Variants in ECE1 observed in about 807,000 individuals in gnomAD.
ECE1 encodes endothelin converting enzyme 1.
A neutral mutation model predicts 98.6 loss-of-function variants in ECE1; 35 were observed. That is an observed-to-expected ratio of 0.35 (90% confidence interval 0.27 to 0.47). The LOEUF is 0.47. Ranked by LOEUF, ECE1 falls within the 20% of genes least tolerant of loss-of-function variation. The probability of loss-of-function intolerance (pLI) is 1.00; values close to 1 mark genes in which losing one functional copy is unlikely to be tolerated. For synonymous variants in ECE1, 394 were observed against 407.1 expected (o/e 0.97, Z 0.39); for missense variants, 814 against 1,025.3 (o/e 0.79, Z 2.81).
At chr1:21,254,068 CAA>C (rs57691016) in intron 8 of ECE1, among the ~76,000 whole-genome samples, 22,550 of 98,348 alleles carry the variant, frequency 0.23, 2,294 homozygotes, top group African/African-American at 0.45. Flanking sequence ...GACTTTGTCT[CAA>C]AAAAAAAAAA....
At chr1:21,328,354 T>C (rs1038926551) in intron 1 of ECE1, among the ~76,000 whole-genome samples, 1 of 152,364 alleles carries the variant, frequency 6.6e-6, no homozygotes, top group African/African-American at 2.4e-5. Context: ...GCCTGCTTGC[T>C]AACCATTCTA....
intron 16 of ECE1, 97 bp downstream of exon 16, chr1:21,227,062 T>G: frequency 8.0e-7 from 1 of 1,243,386 alleles, no homozygotes. Context: ...CTTGCTATGT[T>G]GCCCAGGCTG....
intron 2 of ECE1, among the ~76,000 whole-genome samples, chr1:21,281,421 G>C (rs147373125): frequency 9.3e-4 from 141 of 152,300 alleles, no homozygotes; most frequent in Non-Finnish European, 1.9e-3. Context: ...TGCAGAGAGA[G>C]ACAGCCTGGT....
intron 1 of ECE1, among the ~76,000 whole-genome samples, chr1:21,312,461 A>T (rs930322507): frequency 1.4e-4 from 20 of 142,906 alleles, no homozygotes; most frequent in Non-Finnish European, 2.3e-4. Flanking sequence ...TTAAAAATTT[A>T]AAAAATTAGC....
chr1:21,323,632 A>AAAAATAAAATAAAAT (rs58201460), intron 1 of ECE1, among the ~76,000 whole-genome samples: 6 of 149,420 alleles, frequency 4.0e-5, no homozygotes, highest in Admixed American at 1.3e-4. Flanking sequence ...CCAAAAAACT[A>AAAAATAAAATAAAAT]AAAATAAAAT....
intron 1 of ECE1, among the ~76,000 whole-genome samples, chr1:21,329,395 C>A (rs145326430): frequency 1.3e-5 from 2 of 152,166 alleles, no homozygotes; most frequent in African/African-American, 4.8e-5. Context: ...AGGGGCGTGG[C>A]CTTCATAACC....
Position 21,258,666 on chromosome 1 carries a change from G to A in ECE1, c.762+27C>T, listed in dbSNP as rs756743970. 29 of 1,485,342 alleles carry A rather than the reference G, an allele frequency of 2.0e-5. No homozygotes were observed. Among genetic ancestry groups the A allele is most frequent in the East Asian group, 1.8e-4 (6 of 34,162 alleles). The allele number at this position is 1,485,342 out of a possible 1,614,324, so 92.0% of individuals were successfully genotyped here. On this transcript the variant is annotated intron_variant, in intron 6 of 18. Coordinates refer to ENST00000374893, the MANE Select transcript of ECE1 (RefSeq NM_001397.3). This position sits in a 1 kb window ranked among gnomAD's most constrained non-coding sequence, Gnocchi z 4.2. ...AGGAAGAGGTCGTGCCCGCCCCCTC[G>A]ACCGCTGCAGGTTCAAGCTAGCTCA...
Position 21,322,662 on chromosome 1 carries a change from C to G in ECE1, c.3+22714G>C, listed in dbSNP as rs1201635674. On this transcript the variant is annotated intron_variant, in intron 1 of 18. Transcript: ENST00000415912. This position sits in a 1 kb window ranked among gnomAD's most constrained non-coding sequence, Gnocchi z 4.1. ...GAGGGGTTGGAAGTTGATCTAACCA[C>G]CTAGCTGGGGAAAAGGACAAGAAAA... Among the ~76,000 whole-genome samples the G allele has an allele frequency of 6.6e-6, 1 of 152,188 alleles. No individual in the cohort carries two copies. Among genetic ancestry groups the G allele is most frequent in the Non-Finnish European group, 1.5e-5 (1 of 68,034 alleles).
At position 21,260,136 on chromosome 1, in the gene ECE1, C is replaced by T; in HGVS notation, c.615+135G>A. ...GTGCTCTCGCACACTCGCTCTCTCT[C>T]TTTCTGTCTTTCTCTTGGTGCTACC... is the stretch of plus-strand genomic sequence containing the variant. On this transcript the variant is annotated intron_variant, in intron 5 of 18. Coordinates refer to ENST00000374893, the MANE Select transcript of ECE1 (RefSeq NM_001397.3). The surrounding 1 kb of genome is among the most constrained non-coding windows in gnomAD (Gnocchi z 4.3). 2 of 1,363,118 alleles carry T rather than the reference C, an allele frequency of 1.5e-6. No individual in the cohort carries two copies. Among genetic ancestry groups the T allele is most frequent in the Admixed American group, 1.7e-5 (1 of 57,902 alleles). 84.4% of individuals were successfully genotyped at this position (1,363,118 alleles called of 1,614,324 possible).
At chr1:21,252,810 A>G (rs1220971889) in intron 8 of ECE1, among the ~76,000 whole-genome samples, 2 of 152,240 alleles carry the variant, frequency 1.3e-5, no homozygotes, top group Non-Finnish European at 2.9e-5. Flanking sequence ...AGTAGAATGA[A>G]TCAAATTGAT....
rs1289189717 is a variant in ECE1, at chr1:21,238,246, T to G, written c.1279-2A>C. ...AAACTTCCAGCGAGGAAGACAGGTC[T>G]GGAAAACACAAGTCAGGGGGCTCGC... On this transcript the variant is annotated splice_acceptor_variant, in intron 10 of 18. Coordinates refer to ENST00000374893, the MANE Select transcript of ECE1 (RefSeq NM_001397.3). LOFTEE classifies it high-confidence loss of function. 6.2e-7 allele frequency: 1 copy of G among 1,613,494 alleles called. No homozygotes were observed. The highest frequency in any genetic ancestry group is 8.5e-7 in the Non-Finnish European group (1 of 1,179,496).
intron 1 of ECE1, among the ~76,000 whole-genome samples, chr1:21,341,809 C>CTTTTTTTTTT (rs80221361): frequency 6.9e-6 from 1 of 145,798 alleles, no homozygotes; most frequent in Non-Finnish European, 1.5e-5. Context: ...TTCTCCCTAC[C>CTTTTTTTTTT]TTTTTTTTTT....
Position 21,290,032 on chromosome 1 carries a change from G to C in ECE1, c.138+38C>G, listed in dbSNP as rs1490275376. On this transcript the variant is annotated intron_variant, in intron 2 of 18. Coordinates refer to ENST00000374893, the MANE Select transcript of ECE1 (RefSeq NM_001397.3). This position sits in a 1 kb window ranked among gnomAD's most constrained non-coding sequence, Gnocchi z 7.3. The stretch of plus-strand genomic sequence containing the variant: ...GCGGCAGCGCGCATGCCCGGGCCCG[G>C]GGCGCCTGGACCTCGGGAGGGAGCG... 39 of 1,293,026 alleles carry C rather than the reference G, an allele frequency of 3.0e-5. No homozygotes were observed. The highest frequency in any genetic ancestry group is 3.6e-5 in the Non-Finnish European group (36 of 1,003,928). The allele number at this position is 1,293,026 out of a possible 1,614,324, so 80.1% of individuals were successfully genotyped here.
At chr1:21,247,760 C>G (rs575719754) in intron 8 of ECE1, among the ~76,000 whole-genome samples, 1 of 152,158 alleles carries the variant, frequency 6.6e-6, no homozygotes, top group African/African-American at 2.4e-5. Flanking sequence ...TTTAGACAGG[C>G]CTGAAACAGT....
chr1:21,239,048 G>A (rs539382736), intron 10 of ECE1, among the ~76,000 whole-genome samples: 13 of 151,430 alleles, frequency 8.6e-5, no homozygotes, highest in Non-Finnish European at 1.9e-4. Context: ...GCCCAGGCTG[G>A]TCTAGAACTC....
At chr1:21,342,867 C>T (rs3026809) in intron 1 of ECE1, among the ~76,000 whole-genome samples, 62,204 of 151,992 alleles carry the variant, frequency 0.41, 13,169 homozygotes, top group Non-Finnish European at 0.46. Context: ...TGACATCAGC[C>T]GCCACCCCAT....
At position 21,322,038 on chromosome 1, in the gene ECE1, G is replaced by A. The variant is rs563881380; in HGVS notation, c.3+23338C>T. Among the ~76,000 whole-genome samples the A allele has an allele frequency of 2.0e-5, 3 of 152,248 alleles. No individual in the cohort carries two copies. The highest frequency in any genetic ancestry group is 1.9e-4 in the East Asian group (1 of 5,178). ...CCAGGTCCGAATGAAACAGAGCTGC[G>A]TCCCCGGCCACCCTTTGGTCTGGTC... On this transcript the variant is annotated intron_variant, in intron 1 of 18. Coordinates refer to the ECE1 transcript ENST00000415912. This position sits in a 1 kb window ranked among gnomAD's most constrained non-coding sequence, Gnocchi z 4.1.
At chr1:21,239,809 T>C (rs544144239) in intron 10 of ECE1, among the ~76,000 whole-genome samples, 1 of 151,866 alleles carries the variant, frequency 6.6e-6, no homozygotes, top group East Asian at 1.9e-4. Flanking sequence ...TAGCATGCTA[T>C]GCCCAAGGCA....
At chr1:21,341,186 G>A (rs1373002013) in intron 1 of ECE1, among the ~76,000 whole-genome samples, 3 of 152,164 alleles carry the variant, frequency 2.0e-5, no homozygotes, top group Non-Finnish European at 4.4e-5. Flanking sequence ...CAGTAATTGC[G>A]CTTGTAATTT....
Sources: gnomAD v4.1 joint callset for allele counts (sites outside exome capture counted in the v4.1 genomes callset) on GRCh38, gnomAD v4.1.1 for gene constraint, Gnocchi (gnomAD v3.1) non-coding constraint, MANE v1.5 for transcripts, NCBI Gene and HGNC (gene_info 2026-07-23, HGNC 2026-07-21) for gene names.